Variants in CSMD1 observed in about 807,000 individuals in gnomAD.
CSMD1 encodes the protein CUB and sushi domain-containing protein 1.
Under a neutral mutation model 417.5 loss-of-function variants are expected in CSMD1, and 213 were observed. The observed-to-expected ratio is 0.51, with a 90% CI of 0.46 to 0.57. CSMD1 has a LOEUF of 0.57. Ranked by LOEUF, CSMD1 falls within the 20% of genes least tolerant of loss-of-function variation. The pLI, the probability that CSMD1 is intolerant of heterozygous loss-of-function variation, is 0.00. For missense variants in CSMD1, 6,923 were observed against 4,529.7 expected (o/e 1.53, Z -15.17); for synonymous variants, 2,862 against 1,736.8 (o/e 1.65, Z -16.11).
At chr8:3,370,181 C>G (rs1159452044) in intron 18 of CSMD1, among the ~76,000 whole-genome samples, 3 of 152,184 alleles carry the variant, frequency 2.0e-5, no homozygotes, top group African/African-American at 7.2e-5. Flanking sequence ...CCTAATTTTA[C>G]AGACATCAAG....
At chr8:4,859,053 G>T (rs992581393) in intron 1 of CSMD1, among the ~76,000 whole-genome samples, 7 of 151,792 alleles carry the variant, frequency 4.6e-5, no homozygotes, top group African/African-American at 1.5e-4. Context: ...GCATGGTACT[G>T]GTACCAAAAC....
intron 12 of CSMD1, among the ~76,000 whole-genome samples, chr8:3,415,093 T>A (rs535368542): frequency 6.6e-6 from 1 of 152,342 alleles, no homozygotes; most frequent in East Asian, 1.9e-4. Flanking sequence ...ATTTAATGAT[T>A]TTTATTCGCA....
At chr8:3,993,163 T>C (rs1814890836) in intron 5 of CSMD1, among the ~76,000 whole-genome samples, 1 of 152,222 alleles carries the variant, frequency 6.6e-6, no homozygotes, top group African/African-American at 2.4e-5. Flanking sequence ...ATGTAAGATG[T>C]TCACATGAAG....
rs1221429100 is a variant in CSMD1 at position 4,419,948 on chromosome 8, C to A, written c.415+5G>T. ...TGCATGTGCAAAACACAACCAATCT[C>A]CTACCTTCATATAATGCTTTGAAAC... On this transcript the variant is annotated splice_donor_5th_base_variant and intron_variant, in intron 3 of 69. Transcript: ENST00000635120. 3 of 1,550,894 alleles carry A rather than the reference C, an allele frequency of 1.9e-6. No individual in the cohort carries two copies. Among genetic ancestry groups the A allele is most frequent in the Non-Finnish European group, 1.8e-6 (2 of 1,139,716 alleles).
chr8:3,435,034 G>A (rs1814459258), intron 12 of CSMD1, among the ~76,000 whole-genome samples: 1 of 151,194 alleles, frequency 6.6e-6, no homozygotes. Context: ...ACTGGGAGCT[G>A]GTAGCAGAGA....
intron 37 of CSMD1, among the ~76,000 whole-genome samples, chr8:3,167,870 T>A (rs1194078619): frequency 1.3e-5 from 2 of 152,214 alleles, no homozygotes; most frequent in Admixed American, 1.3e-4. Context: ...ATTCTGAGAA[T>A]AGTTTGCTTA....
intron 3 of CSMD1, among the ~76,000 whole-genome samples, chr8:4,179,021 C>T (rs1431454951): frequency 6.6e-6 from 1 of 151,962 alleles, no homozygotes; most frequent in Non-Finnish European, 1.5e-5. Context: ...TTTATACATT[C>T]AATGCCATCC....
intron 18 of CSMD1, among the ~76,000 whole-genome samples, chr8:3,373,078 A>T (rs1585069583): frequency 6.6e-6 from 1 of 152,242 alleles, no homozygotes; most frequent in African/African-American, 2.4e-5. Context: ...GATATCTTAT[A>T]TCCAAAGCTA....
intron 57 of CSMD1, among the ~76,000 whole-genome samples, chr8:2,972,774 A>C (rs969633660): frequency 6.6e-6 from 1 of 152,190 alleles, no homozygotes; most frequent in Non-Finnish European, 1.5e-5. Flanking sequence ...AGTGATCTGC[A>C]TTGGTCCTGC....
At chr8:4,121,534 T>C (rs1035619984) in intron 3 of CSMD1, among the ~76,000 whole-genome samples, 3 of 151,960 alleles carry the variant, frequency 2.0e-5, no homozygotes, top group Non-Finnish European at 2.9e-5. Context: ...GATTTGTTAA[T>C]AGAAGTGAAG....
At chr8:3,182,735 CTT>C (rs2129048174) in intron 36 of CSMD1, among the ~76,000 whole-genome samples, 1 of 121,842 alleles carries the variant, frequency 8.2e-6, no homozygotes, top group South Asian at 2.6e-4. Context: ...CTGGCTGTCT[CTT>C]TATAAGAAGC....
At chr8:4,388,719 T>C (rs1803639475) in intron 3 of CSMD1, among the ~76,000 whole-genome samples, 1 of 152,194 alleles carries the variant, frequency 6.6e-6, no homozygotes, top group African/African-American at 2.4e-5. Flanking sequence ...AAATAAAATG[T>C]ACTTGTTTAT....
At chr8:3,303,205 C>T (rs1804551288) in intron 25 of CSMD1, among the ~76,000 whole-genome samples, 2 of 152,256 alleles carry the variant, frequency 1.3e-5, no homozygotes, top group South Asian at 4.2e-4. Flanking sequence ...AATTCTCCAA[C>T]CCATGGTCTA....
intron 49 of CSMD1, among the ~76,000 whole-genome samples, chr8:3,075,113 T>C (rs1317198820): frequency 1.3e-5 from 2 of 152,154 alleles, no homozygotes; most frequent in Admixed American, 1.3e-4. Context: ...GCGATGTGCC[T>C]GATCCCCCTT....
intron 3 of CSMD1, among the ~76,000 whole-genome samples, chr8:4,303,459 GT>G (rs5889032): frequency 0.76 from 73,481 of 96,696 alleles, 27,814 homozygotes; most frequent in East Asian, 0.87. Flanking sequence ...TTTTTTTTGA[GT>G]TCTCTGTGCT....
chr8:3,609,576 G>T (rs1264953404), intron 8 of CSMD1, among the ~76,000 whole-genome samples: 2 of 151,880 alleles, frequency 1.3e-5, no homozygotes, highest in Non-Finnish European at 1.5e-5. Context: ...AACCAGATGA[G>T]GAATATTTTA....
chr8:4,745,609 G>T (rs1810901559), intron 1 of CSMD1, among the ~76,000 whole-genome samples: 1 of 151,758 alleles, frequency 6.6e-6, no homozygotes, highest in African/African-American at 2.4e-5. Flanking sequence ...AGAGAGAGAG[G>T]GAGAAGTAGA....
intron 4 of CSMD1, among the ~76,000 whole-genome samples, chr8:4,016,475 G>A (rs1284974740): frequency 6.6e-6 from 1 of 152,106 alleles, no homozygotes; most frequent in Non-Finnish European, 1.5e-5. Flanking sequence ...CTCTGCCCAA[G>A]AATGCAAGCT....
intron 27 of CSMD1, among the ~76,000 whole-genome samples, chr8:3,224,536 T>G (rs565511381): frequency 5.9e-5 from 9 of 152,176 alleles, no homozygotes; most frequent in Admixed American, 3.3e-4. Flanking sequence ...ACCCCAAAAG[T>G]TTAAGTGAGC....
Sources: gnomAD v4.1 joint callset for allele counts (sites outside exome capture counted in the v4.1 genomes callset) on GRCh38, gnomAD v4.1.1 for gene constraint, MANE v1.5 for transcripts, NCBI Gene and HGNC (gene_info 2026-07-23, HGNC 2026-07-21) for gene names.